Variants in SAMD5 observed in about 807,000 individuals in gnomAD.
SAMD5 encodes sterile alpha motif domain containing 5.
SAMD5 carries 13 observed loss-of-function variants against 11.3 expected under a neutral mutation model. The observed-to-expected ratio is 1.15, with a 90% CI of 0.75 to 1.83. SAMD5 has a LOEUF of 1.83. SAMD5 is among the 40% of genes most tolerant of loss of function. The probability of loss-of-function intolerance (pLI) is 0.00; values close to 1 mark genes in which losing one functional copy is unlikely to be tolerated. For missense variants in SAMD5, 255 were observed against 239.1 expected, an observed-to-expected ratio of 1.07 and a Z score of -0.44; for synonymous variants, 129 against 111.3, an observed-to-expected ratio of 1.16 and a Z score of -1.00.
chr6:147,800,489 AT>A, the SAMD5 span, among the ~76,000 whole-genome samples: 1 of 152,176 alleles, frequency 6.6e-6, no homozygotes. Context: ...AGACAGGGAC[AT>A]TTAAGTCTGC....
chr6:147,702,283 T>C (rs1435907060), intron 1 of SAMD5, among the ~76,000 whole-genome samples: 1 of 152,158 alleles, frequency 6.6e-6, no homozygotes, highest in Non-Finnish European at 1.5e-5. Flanking sequence ...ATGTGGGAAT[T>C]ATGGGAGCTA....
At chr6:147,938,738 G>C in the SAMD5 span, among the ~76,000 whole-genome samples, 2 of 152,212 alleles carry the variant, frequency 1.3e-5, no homozygotes, top group Non-Finnish European at 2.9e-5. Flanking sequence ...TATCAGAGTA[G>C]GTTGCTTGAA....
chr6:147,556,437 C>T (rs1788858371), intron 1 of SAMD5, among the ~76,000 whole-genome samples: 1 of 152,170 alleles, frequency 6.6e-6, no homozygotes, highest in African/African-American at 2.4e-5. Context: ...TTAAATATTT[C>T]ACAGTTACAA....
At chr6:147,750,863 A>G in the SAMD5 span, among the ~76,000 whole-genome samples, 1 of 152,244 alleles carries the variant, frequency 6.6e-6, no homozygotes, top group Non-Finnish European at 1.5e-5. Context: ...CAAATGTTGC[A>G]GTGAGCTGAG....
At chr6:147,793,354 G>A in the SAMD5 span, among the ~76,000 whole-genome samples, 1 of 152,124 alleles carries the variant, frequency 6.6e-6, no homozygotes, top group Non-Finnish European at 1.5e-5. Context: ...TATAAGCAAG[G>A]AAAGTCTAAG....
intron 1 of SAMD5, among the ~76,000 whole-genome samples, chr6:147,615,071 T>G (rs901291882): frequency 6.6e-6 from 1 of 151,978 alleles, no homozygotes; most frequent in East Asian, 1.9e-4. Context: ...CTAGAGATGA[T>G]TTGAAGTATA....
At chr6:147,754,854 A>G in the SAMD5 span, among the ~76,000 whole-genome samples, 1 of 152,192 alleles carries the variant, frequency 6.6e-6, no homozygotes, top group South Asian at 2.1e-4. Context: ...CACCTTTATA[A>G]AAAATGAGTT....
chr6:147,579,855 A>G (rs893313535), intron 1 of SAMD5, among the ~76,000 whole-genome samples: 1 of 152,214 alleles, frequency 6.6e-6, no homozygotes, highest in African/African-American at 2.4e-5. Flanking sequence ...GATGCCCAAC[A>G]TATTTTCATG....
At chr6:147,518,314 A>G (rs1455426181) in intron 1 of SAMD5, among the ~76,000 whole-genome samples, 1 of 151,728 alleles carries the variant, frequency 6.6e-6, no homozygotes, top group East Asian at 1.9e-4. Flanking sequence ...TTTCCTCCCC[A>G]CTCTTGAGTG....
At chr6:147,649,479 A>T (rs1296329992) in intron 1 of SAMD5, among the ~76,000 whole-genome samples, 5 of 152,206 alleles carry the variant, frequency 3.3e-5, no homozygotes, top group Non-Finnish European at 7.3e-5. Flanking sequence ...TCAATGAATG[A>T]AAAGAAAGTC....
chr6:147,565,031 G>A lies in SAMD5; in HGVS notation c.*575G>A. On this transcript the variant is annotated 3_prime_UTR_variant, in exon 2 of 2. Transcript: ENST00000367474. Reference sequence around the variant, plus strand: ...TAAGGTGCTTTTATATAGTTATTTTGTATATTGGTACAATGTTAAAGGTGA... The same window carrying A: ...TAAGGTGCTTTTATATAGTTATTTTATATATTGGTACAATGTTAAAGGTGA... 1.1e-6 allele frequency: 1 copy of A among 950,576 alleles called. No individual in the cohort carries two copies. The highest frequency in any genetic ancestry group is 1.3e-6 in the Non-Finnish European group (1 of 798,458). 58.9% of individuals were successfully genotyped at this position (950,576 alleles called of 1,614,324 possible).
chr6:147,663,078 G>A (rs1283650007), intron 1 of SAMD5, among the ~76,000 whole-genome samples: 2 of 152,144 alleles, frequency 1.3e-5, no homozygotes, highest in Non-Finnish European at 2.9e-5. Context: ...TCAGAAGAAG[G>A]ATTTGCTTTC....
intron 1 of SAMD5, among the ~76,000 whole-genome samples, chr6:147,657,510 A>G (rs560668042): frequency 1.3e-4 from 20 of 152,338 alleles, no homozygotes; most frequent in African/African-American, 4.1e-4. Context: ...AAGAGAGCAC[A>G]GATAAGGCAA....
the SAMD5 span, among the ~76,000 whole-genome samples, chr6:147,901,437 C>T: frequency 9.4e-6 from 1 of 105,878 alleles, no homozygotes; most frequent in South Asian, 2.5e-4. Context: ...TACATAAGAA[C>T]TAATCTTCTC....
the SAMD5 span, among the ~76,000 whole-genome samples, chr6:147,781,135 G>A: frequency 2.6e-4 from 39 of 150,494 alleles, no homozygotes; most frequent in East Asian, 6.0e-3. Context: ...TTTTTGTTTC[G>A]ATGGTTGGTT....
At chr6:147,820,724 T>C in the SAMD5 span, among the ~76,000 whole-genome samples, 1 of 152,210 alleles carries the variant, frequency 6.6e-6, no homozygotes, top group Admixed American at 6.5e-5. Flanking sequence ...GTGTTAGAGA[T>C]GTCTGACCTG....
At chr6:147,682,619 A>G (rs1184278406) in intron 1 of SAMD5, among the ~76,000 whole-genome samples, 8 of 152,218 alleles carry the variant, frequency 5.3e-5, no homozygotes, top group Non-Finnish European at 2.9e-5. Context: ...CTTTTTAATG[A>G]ATGTACATGT....
At chr6:147,889,390 A>G in the SAMD5 span, among the ~76,000 whole-genome samples, 1 of 152,170 alleles carries the variant, frequency 6.6e-6, no homozygotes, top group Admixed American at 6.5e-5. Context: ...AGCTTCCTGA[A>G]CACACAAAAG....
the SAMD5 span, among the ~76,000 whole-genome samples, chr6:147,794,686 A>G: frequency 2.0e-5 from 3 of 152,220 alleles, no homozygotes; most frequent in Non-Finnish European, 2.9e-5. Flanking sequence ...ATATGATCAT[A>G]TGGGGTAAGG....
Sources: allele counts gnomAD v4.1 joint callset (sites outside exome capture counted in the v4.1 genomes callset), GRCh38; gene constraint gnomAD v4.1.1; transcripts MANE v1.5; gene names NCBI Gene and HGNC (gene_info 2026-07-23, HGNC 2026-07-21).